Variants in EPHA6 observed in about 807,000 individuals in gnomAD.
The protein encoded by EPHA6 is ephrin type-A receptor 6.
In EPHA6, 50 loss-of-function variants were observed where a neutral mutation model predicts 112.0. The ratio of observed to expected loss-of-function variants is 0.45; its 90% CI spans 0.36 to 0.56. The LOEUF (loss-of-function observed/expected upper bound fraction) is 0.56, where lower values mean the gene tolerates loss of function less well. Among genes scored for constraint, EPHA6 ranks in the 20% least tolerant of loss-of-function variants. The probability of loss-of-function intolerance (pLI) is 0.00; values close to 1 mark genes in which losing one functional copy is unlikely to be tolerated. For synonymous variants in EPHA6, 529 were observed against 490.7 expected, an observed-to-expected ratio of 1.08 and a Z score of -1.03; for missense variants, 1,280 against 1,417.4, an observed-to-expected ratio of 0.90 and a Z score of 1.56.
At chr3:97,036,449 T>C (rs899152889) in intron 3 of EPHA6, among the ~76,000 whole-genome samples, 4 of 152,026 alleles carry the variant, frequency 2.6e-5, no homozygotes, top group African/African-American at 9.7e-5. Flanking sequence ...GCAAAATCAT[T>C]ATTAAAAACT....
intron 11 of EPHA6, among the ~76,000 whole-genome samples, chr3:97,571,614 G>A (rs1560149542): frequency 6.6e-6 from 1 of 152,036 alleles, no homozygotes. Flanking sequence ...TTACATGTAA[G>A]TCATAAATCT....
chr3:97,526,526 G>T (rs1040537288), intron 10 of EPHA6, among the ~76,000 whole-genome samples: 3 of 152,172 alleles, frequency 2.0e-5, no homozygotes, highest in Non-Finnish European at 4.4e-5. Flanking sequence ...GGTCAGGATT[G>T]CTCATAGACT....
chr3:96,847,657 T>A (rs1247599820), intron 1 of EPHA6, among the ~76,000 whole-genome samples: 1 of 152,128 alleles, frequency 6.6e-6, no homozygotes, highest in African/African-American at 2.4e-5. Context: ...AGAAGAGAAT[T>A]ATACAAGAAG....
chr3:97,138,087 G>A (rs1255101002), intron 3 of EPHA6, among the ~76,000 whole-genome samples: 1 of 152,130 alleles, frequency 6.6e-6, no homozygotes, highest in African/African-American at 2.4e-5. Flanking sequence ...TGGACACCAG[G>A]ACCATTCTCT....
At chr3:97,491,457 T>G (rs1391706375) in intron 10 of EPHA6, among the ~76,000 whole-genome samples, 1 of 152,074 alleles carries the variant, frequency 6.6e-6, no homozygotes, top group East Asian at 1.9e-4. Context: ...CCAGGTACAG[T>G]CGGGGGGTCA....
chr3:97,287,870 T>A (rs2080528274), intron 5 of EPHA6, among the ~76,000 whole-genome samples: 1 of 152,118 alleles, frequency 6.6e-6, no homozygotes, highest in African/African-American at 2.4e-5. Context: ...TGTAGTTTTA[T>A]TTTTTGTTGC....
At chr3:97,487,241 T>A (rs2091719561) in intron 10 of EPHA6, among the ~76,000 whole-genome samples, 1 of 152,246 alleles carries the variant, frequency 6.6e-6, no homozygotes, top group African/African-American at 2.4e-5. Context: ...AAGACATGCA[T>A]GCAAAGCAAC....
intron 3 of EPHA6, among the ~76,000 whole-genome samples, chr3:97,065,122 A>C (rs1438639828): frequency 6.6e-6 from 1 of 152,180 alleles, no homozygotes; most frequent in Non-Finnish European, 1.5e-5. Flanking sequence ...GCCTTTACAG[A>C]GAGTGCATTA....
At chr3:96,824,077 A>G (rs1191473697) in intron 1 of EPHA6, among the ~76,000 whole-genome samples, 1 of 151,852 alleles carries the variant, frequency 6.6e-6, no homozygotes, top group African/African-American at 2.4e-5. Context: ...TAGTTCACCT[A>G]GGTTATTAAA....
intron 3 of EPHA6, among the ~76,000 whole-genome samples, chr3:97,154,120 AT>A (rs1385449576): frequency 6.6e-6 from 1 of 151,686 alleles, no homozygotes; most frequent in Non-Finnish European, 1.5e-5. Flanking sequence ...AGCCGAGATC[AT>A]GCCATTGCAC....
intron 2 of EPHA6, among the ~76,000 whole-genome samples, chr3:96,928,200 C>A (rs2040138543): frequency 1.3e-5 from 2 of 152,114 alleles, no homozygotes; most frequent in South Asian, 4.1e-4. Flanking sequence ...TTCTCAAGTT[C>A]TTTTAGTTGT....
chr3:96,971,558 T>A (rs2107784909), intron 2 of EPHA6, among the ~76,000 whole-genome samples: 1 of 150,254 alleles, frequency 6.7e-6, no homozygotes, highest in Admixed American at 6.6e-5. Flanking sequence ...ACTAATTTTC[T>A]AAGTTTATGT....
At chr3:97,491,125 C>G (rs2091827345) in intron 10 of EPHA6, among the ~76,000 whole-genome samples, 1 of 152,188 alleles carries the variant, frequency 6.6e-6, no homozygotes. Flanking sequence ...ATTACCTTTG[C>G]ACATTCTATT....
chr3:97,223,109 T>C (rs998479600), intron 3 of EPHA6, among the ~76,000 whole-genome samples: 1 of 152,236 alleles, frequency 6.6e-6, no homozygotes, highest in African/African-American at 2.4e-5. Context: ...AGGAGATCTT[T>C]GGCAATTCAT....
chr3:97,095,777 A>C (rs748968334), intron 3 of EPHA6, among the ~76,000 whole-genome samples: 2 of 151,670 alleles, frequency 1.3e-5, no homozygotes, highest in Non-Finnish European at 2.9e-5. Context: ...AAAAAAAAAA[A>C]CAAGCAAACA....
intron 3 of EPHA6, among the ~76,000 whole-genome samples, chr3:97,039,301 T>A (rs2045228766): frequency 6.6e-6 from 1 of 151,998 alleles, no homozygotes; most frequent in Admixed American, 6.6e-5. Flanking sequence ...GAAAAACAGT[T>A]TAAACATGTT....
intron 3 of EPHA6, among the ~76,000 whole-genome samples, chr3:97,137,222 C>G (rs2075788323): frequency 6.6e-6 from 1 of 152,114 alleles, no homozygotes; most frequent in South Asian, 2.1e-4. Context: ...AAATGCAATC[C>G]TCACTGCCTA....
chr3:97,191,174 A>AT (rs1454523074), intron 3 of EPHA6, among the ~76,000 whole-genome samples: 4 of 151,838 alleles, frequency 2.6e-5, no homozygotes, highest in African/African-American at 7.3e-5. Context: ...ACGGCACCAT[A>AT]TTTTTTATTT....
chr3:97,283,056 T>C (rs1331901250), intron 5 of EPHA6, among the ~76,000 whole-genome samples: 1 of 152,180 alleles, frequency 6.6e-6, no homozygotes, highest in African/African-American at 2.4e-5. Context: ...TCAGTAATTA[T>C]ATAAACAAAG....
Sources: gnomAD v4.1 joint callset for allele counts (sites outside exome capture counted in the v4.1 genomes callset) on GRCh38, gnomAD v4.1.1 for gene constraint, MANE v1.5 for transcripts, NCBI Gene and HGNC (gene_info 2026-07-23, HGNC 2026-07-21) for gene names.